The following PIAS3 variants were observed in gnomAD, a reference collection of about 807,000 sequenced individuals.
PIAS3 encodes the protein E3 SUMO-protein ligase PIAS3.
A neutral mutation model predicts 67.6 loss-of-function variants in PIAS3; 34 were observed. The ratio of observed to expected loss-of-function variants is 0.50; its 90% confidence interval spans 0.38 to 0.67. PIAS3 has a LOEUF of 0.67. Among genes scored for constraint, PIAS3 ranks in the 30% least tolerant of loss-of-function variants. The pLI is 0.00. For synonymous variants in PIAS3, 341 were observed against 313.8 expected (o/e 1.09, Z -0.92); for missense variants, 693 against 791.6 (o/e 0.88, Z 1.49).
At position 145,853,345 on chromosome 1, in the gene PIAS3, G is replaced by C. The variant is rs1653033576; in HGVS notation, c.1145+159C>G. The stretch of plus-strand genomic sequence containing the variant: ...GTATCGCCTGAACCCGGGAGGTGGA[G>C]GTTGCAGTGAGCCAAGATTGTGCCA... On this transcript the variant is annotated intron_variant, in intron 9 of 13. Coordinates refer to ENST00000393045, the MANE Select transcript of PIAS3 (RefSeq NM_006099.3). Among the ~76,000 whole-genome samples the C allele has an allele frequency of 3.3e-5, 5 of 151,712 alleles. No homozygotes were observed. In the South Asian group the frequency reaches 1.0e-3, roughly 32 times the overall value.
intron 9 of PIAS3, 84 bp downstream of exon 9, chr1:145,853,420 A>G (rs1202431777): frequency 1.7e-6 from 2 of 1,191,896 alleles, no homozygotes; most frequent in African/African-American, 1.5e-5. Flanking sequence ...AAAAAAAAAA[A>G]AAAGAAAAGA....
rs1570772140 is a variant in PIAS3 at position 145,850,872 on chromosome 1, G to A, written c.1347C>T (p.Asp449=). The change falls in exon 11 of 14, where the codon GAC becomes GAT. Residue 449 remains aspartate, a synonymous_variant. Coordinates refer to ENST00000393045, the MANE Select transcript of PIAS3 (RefSeq NM_006099.3). ...CATCTGATGAGCTTTCTATTGTCAA[G>A]TCAATAACTTCGACCTTCTTCTTAT... ...SENKKKVEVI[D]LTIESSSDEE... The A allele has an allele frequency of 1.9e-6, 3 of 1,614,224 alleles. No individual in the cohort carries two copies. The highest frequency in any genetic ancestry group is 2.5e-6 in the Non-Finnish European group (3 of 1,180,030).
chr1:145,856,934 G>A lies in PIAS3; in HGVS notation c.97C>T (p.Arg33Trp), dbSNP rs781941926. ...GCCTTGGCCAGGAGCTCGTGCTTCC[G>A]TCCACTCTTGTTCCGGCCAGCAAAG... ...LGFAGRNKSG[R>W]KHELLAKALH... Residue 33 changes from arginine (R) to tryptophan (W), a missense_variant, in exon 2 of 14, where the codon CGG (arginine) becomes TGG (tryptophan). Physicochemically the swap from Arg to Trp is moderately radical, Grantham distance 101 (BLOSUM62 -3). This residue lies in a region of PIAS3 where 308 missense variants were observed against 348.8 expected (regional missense o/e 0.88). Coordinates refer to ENST00000393045, the MANE Select transcript of PIAS3 (RefSeq NM_006099.3). The A allele has an allele frequency of 2.0e-5, 32 of 1,613,970 alleles. No homozygotes were observed. Among genetic ancestry groups the A allele is most frequent in the Admixed American group, 6.7e-5 (4 of 59,996 alleles).
rs1553735741 is a variant in PIAS3, at chr1:145,856,806, G to C, written c.225C>G (p.Leu75=). ...FPRKTLGPSD[L]SLLSLPPGTS... is the part of the protein sequence containing the mutation. ...TGCCAGGGGGCAAAGAGAGAAGGGA[G>C]AGATCAGAGGGCCCCAGGGTCTTCC... Residue 75 remains leucine, a synonymous_variant, in exon 2 of 14, where the codon CTC becomes CTG. Coordinates refer to ENST00000393045, the MANE Select transcript of PIAS3 (RefSeq NM_006099.3). 1 of 1,614,152 alleles carries C rather than the reference G, an allele frequency of 6.2e-7. No homozygotes were observed. The highest frequency in any genetic ancestry group is 1.1e-5 in the South Asian group (1 of 91,086).
Position 145,849,520 on chromosome 1 carries a change from C to T in PIAS3, c.1813G>A (p.Glu605Lys). 2 of 1,574,304 alleles carry T rather than the reference C, an allele frequency of 1.3e-6. No homozygotes were observed. The highest frequency in any genetic ancestry group is 1.7e-6 in the Non-Finnish European group (2 of 1,163,426). The change falls in exon 14 of 14, where the codon GAG becomes AAG. Residue 605 changes from glutamate (E) to lysine (K), a missense_variant. Coordinates refer to ENST00000393045, the MANE Select transcript of PIAS3 (RefSeq NM_006099.3). ...GAGGGCAGGGGTCCTCCATGCCCCT[C>T]CCTCAAGGCCCCCCCAGGGGCCACA... Reference protein sequence around the residue: ...SIVAPGGALREGHGGPLPSGP... With the variant: ...SIVAPGGALRKGHGGPLPSGP...
In PIAS3 at chr1:145,858,908, C is replaced by T. The variant is rs1035199606; in HGVS notation, c.24+59G>A. The stretch of plus-strand genomic sequence containing the variant: ...CCCGGCACCCAGTCTCGGTCGCTTC[C>T]CGGACACGGCGTACCGCCGGGCTGA... On this transcript the variant is annotated intron_variant, in intron 1 of 13. Transcript: ENST00000393045. The T allele has an allele frequency of 2.8e-5, 40 of 1,443,546 alleles. No individual in the cohort carries two copies. The Middle Eastern group carries it at 5.5e-4, about 20-fold the overall frequency. The allele number at this position is 1,443,546 out of a possible 1,614,324, so 89.4% of individuals were successfully genotyped here.
Position 145,848,613 on chromosome 1 carries a change from G to T in PIAS3, c.*833C>A, listed in dbSNP as rs1160845946. The T allele has an allele frequency of 1.2e-5, 8 of 679,450 alleles. No individual in the cohort carries two copies. Among genetic ancestry groups the T allele is most frequent in the Non-Finnish European group, 2.0e-5 (8 of 402,892 alleles). 42.1% of individuals were successfully genotyped at this position (679,450 alleles called of 1,614,324 possible). A position where few individuals can be genotyped will look rare whatever the true frequency, so the allele number is the denominator to read the frequency against. On this transcript the variant is annotated 3_prime_UTR_variant, in exon 14 of 14. Coordinates refer to ENST00000393045, the MANE Select transcript of PIAS3 (RefSeq NM_006099.3). ...CAACATAGGTCCTAGGCCTTGGCGA[G>T]CCTGAAAAAGAAGATTGGGAAGGAG...
chr1:145,858,835 C>A, intron 1 of PIAS3, 132 bp downstream of exon 1: 1 of 803,894 alleles, frequency 1.2e-6, no homozygotes. Context: ...TACTTCTCTC[C>A]CATCCTCAGC....
At chr1:145,854,246 T>A (rs1653072499) in intron 7 of PIAS3, 10 of 604,452 alleles carry the variant, frequency 1.7e-5, no homozygotes, top group Non-Finnish European at 2.4e-5. Context: ...GCAAAGCAGA[T>A]ACATGATTGG....
chr1:145,856,241 A>G (rs1377469299), intron 3 of PIAS3, 106 bp downstream of exon 3: 11 of 1,250,028 alleles, frequency 8.8e-6, no homozygotes, highest in Non-Finnish European at 1.1e-5. Flanking sequence ...GAAGAACAAG[A>G]GACAAGTAGG....
chr1:145,852,046 C>G (rs1652985888), intron 9 of PIAS3, among the ~76,000 whole-genome samples: 1 of 151,796 alleles, frequency 6.6e-6, no homozygotes, highest in Admixed American at 6.6e-5. Context: ...AAACCATCTC[C>G]AAAAGGCACT....
Position 145,849,503 on chromosome 1 carries a change from G to C in PIAS3, c.1830C>G (p.Pro610=), listed in dbSNP as rs1652865684. ...GGALREGHGG[P]LPSGPSLTGC... is the part of the protein sequence containing the mutation. ...CAGTCAAAGAGGGACCTGAGGGCAG[G>C]GGTCCTCCATGCCCCTCCCTCAAGG... is the stretch of plus-strand genomic sequence containing the variant. Residue 610 remains proline (P), a synonymous_variant, in exon 14 of 14, where the codon CCC becomes CCG. Transcript: ENST00000393045. The C allele has an allele frequency of 3.2e-6, 5 of 1,548,140 alleles. No individual in the cohort carries two copies. Among genetic ancestry groups the C allele is most frequent in the Non-Finnish European group, 4.3e-6 (5 of 1,151,352 alleles).
Position 145,856,450 on chromosome 1 carries a change from A to T in PIAS3, c.443-19T>A. On this transcript the variant is annotated intron_variant, in intron 2 of 13. Coordinates refer to ENST00000393045, the MANE Select transcript of PIAS3 (RefSeq NM_006099.3). Reference sequence around the variant, plus strand: ...GTGGATGCTGAGGATACAAAGGGGCAGTTATTCCAAGCCCATGCACAGGCA... The same window carrying T: ...GTGGATGCTGAGGATACAAAGGGGCTGTTATTCCAAGCCCATGCACAGGCA... 6.2e-7 allele frequency: 1 copy of T among 1,611,886 alleles called. No homozygotes were observed. Among genetic ancestry groups the T allele is most frequent in the South Asian group, 1.1e-5 (1 of 91,038 alleles).
In PIAS3 at chr1:145,848,726, A is replaced by G; in HGVS notation, c.*720T>C. Reference sequence around the variant, plus strand: ...ATGAGCCTCTAGAAGCTTAGGGGGGAATAAGAAACACTGTGAACTTAGATA... The same window carrying G: ...ATGAGCCTCTAGAAGCTTAGGGGGGGATAAGAAACACTGTGAACTTAGATA... On this transcript the variant is annotated 3_prime_UTR_variant, in exon 14 of 14. Transcript: ENST00000393045. 1 of 447,284 alleles carries G rather than the reference A, an allele frequency of 2.2e-6. No individual in the cohort carries two copies. Among genetic ancestry groups the G allele is most frequent in the South Asian group, 3.5e-5 (1 of 28,830 alleles). 27.7% of individuals were successfully genotyped at this position (447,284 alleles called of 1,614,324 possible).
rs587775716 is a variant in PIAS3, at chr1:145,851,191, A to T, written c.1146-38T>A. 1.3e-4 allele frequency: 217 copies of T among 1,609,518 alleles called. No homozygotes were observed. The African/African-American group carries it at 2.1e-3, about 16-fold the overall frequency. On this transcript the variant is annotated intron_variant, in intron 9 of 13. Coordinates refer to ENST00000393045, the MANE Select transcript of PIAS3 (RefSeq NM_006099.3). Reference sequence around the variant, plus strand: ...AGAGATGAAAATTCACGGGGCTGGGAGATGAGCAGAACAGTAGCCAGAGTT... The same window carrying T: ...AGAGATGAAAATTCACGGGGCTGGGTGATGAGCAGAACAGTAGCCAGAGTT...
intron 7 of PIAS3, 126 bp downstream of exon 7, chr1:145,854,332 G>C: frequency 1.4e-6 from 1 of 689,870 alleles, no homozygotes. Flanking sequence ...GAGGGGGAGG[G>C]TTGGGGTTCA....
chr1:145,856,023 C>G, intron 4 of PIAS3, 45 bp downstream of exon 4: 1 of 1,514,550 alleles, frequency 6.6e-7, no homozygotes, highest in Non-Finnish European at 9.2e-7. Flanking sequence ...TACTTCACTC[C>G]TACCCCCAGT....
In PIAS3 at chr1:145,853,654, A is replaced by G. The variant is rs782047570; in HGVS notation, c.995T>C (p.Met332Thr). ...GGCACGACAAGGGACAGTCAGGCGCATCTTCCCTAGCTGAGGAGAAGCAAG... is the reference window on the plus strand; with the variant it reads ...GGCACGACAAGGGACAGTCAGGCGCGTCTTCCCTAGCTGAGGAGAAGCAAG... ...RVSLMCPLGK[M>T]RLTVPCRALT... is the part of the protein sequence containing the mutation. The change falls in exon 9 of 14, where the codon ATG becomes ACG. Residue 332 changes from methionine to threonine, a missense_variant. Met to Thr is a moderately conservative substitution (Grantham distance 81, BLOSUM62 -1). This residue lies in a region of PIAS3 where 115 missense variants were observed against 181.8 expected (regional missense o/e 0.63). Transcript: ENST00000393045. The G allele has an allele frequency of 6.2e-7, 1 of 1,613,776 alleles. No homozygotes were observed. The highest frequency in any genetic ancestry group is 1.7e-5 in the Admixed American group (1 of 59,944).
chr1:145,858,507 AG>A (rs1435975163), intron 1 of PIAS3, among the ~76,000 whole-genome samples: 2,215 of 148,598 alleles, frequency 0.015, 48 homozygotes, highest in African/African-American at 0.052. Context: ...TCCCGAGAGT[AG>A]CCCCAAAGAC....
Sources: allele counts gnomAD v4.1 joint callset (sites outside exome capture counted in the v4.1 genomes callset), GRCh38; gene constraint gnomAD v4.1.1; regional missense constraint gnomAD v4.1.1; transcripts MANE v1.5; gene names NCBI Gene and HGNC (gene_info 2026-07-23, HGNC 2026-07-21).